CIBAR1: variants seen among roughly 807,000 people sequenced by gnomAD.
The protein encoded by CIBAR1 is CBY1 interacting BAR domain containing 1.
In CIBAR1, 25 loss-of-function variants were observed where a neutral mutation model predicts 44.0. That is an observed-to-expected ratio of 0.57 (90% CI 0.41 to 0.79). The LOEUF (loss-of-function observed/expected upper bound fraction) is 0.79, where lower values mean the gene tolerates loss of function less well. Among genes scored for constraint, CIBAR1 ranks in the 30% least tolerant of loss-of-function variants. The probability of loss-of-function intolerance (pLI) is 0.00; values close to 1 mark genes in which losing one functional copy is unlikely to be tolerated. For missense variants in CIBAR1, 278 were observed against 344.8 expected, an observed-to-expected ratio of 0.81 and a Z score of 1.53; for synonymous variants, 115 against 119.0, an observed-to-expected ratio of 0.97 and a Z score of 0.22.
At position 93,709,890 on chromosome 8, in the gene CIBAR1, G is replaced by C; in HGVS notation, c.543+15G>C. 6.4e-7 allele frequency: 1 copy of C among 1,556,928 alleles called. No individual in the cohort carries two copies. Among genetic ancestry groups the C allele is most frequent in the Non-Finnish European group, 8.8e-7 (1 of 1,136,300 alleles). On this transcript the variant is annotated intron_variant, in intron 6 of 8. Transcript: ENST00000518322. ...AGGATATAAAGGTAATAAAGTAACT[G>C]TTAGGGTTCAAAACATGTTTTTAAC... is the stretch of plus-strand genomic sequence containing the variant.
At chr8:93,702,353 T>C in intron 2 of CIBAR1, 1 of 389,570 alleles carries the variant, frequency 2.6e-6, no homozygotes, top group Non-Finnish European at 5.1e-6. Flanking sequence ...AACTGGGGAC[T>C]TAATGTTTCA....
At chr8:93,728,009 C>CA (rs1220261231) in intron 8 of CIBAR1, among the ~76,000 whole-genome samples, 196 bp from the exon 9 acceptor site, 1 of 151,618 alleles carries the variant, frequency 6.6e-6, no homozygotes, top group Non-Finnish European at 1.5e-5. Flanking sequence ...CATTTTTATT[C>CA]AAAAAAATGT....
chr8:93,716,818 C>T (rs2976350), intron 6 of CIBAR1, among the ~76,000 whole-genome samples: 107,940 of 152,074 alleles, frequency 0.71, 38,673 homozygotes, highest in African/African-American at 0.78. Flanking sequence ...GCATGTGGTA[C>T]GACATGGATA....
intron 3 of CIBAR1, among the ~76,000 whole-genome samples, chr8:93,704,428 A>G (rs1810495480): frequency 6.6e-6 from 1 of 152,144 alleles, no homozygotes; most frequent in South Asian, 2.1e-4. Context: ...TAGGGTTTGC[A>G]CTCCTATGAG....
chr8:93,702,720 A>G (rs1810412844), intron 2 of CIBAR1, among the ~76,000 whole-genome samples: 1 of 152,170 alleles, frequency 6.6e-6, no homozygotes, highest in Admixed American at 6.5e-5. Context: ...ATGTTTTAAA[A>G]TGAAACATTC....
intron 6 of CIBAR1, among the ~76,000 whole-genome samples, chr8:93,711,856 A>C (rs1048201762): frequency 2.6e-5 from 4 of 152,184 alleles, no homozygotes; most frequent in Non-Finnish European, 4.4e-5. Context: ...TGAGCATTAC[A>C]CAGTACCAAA....
chr8:93,701,540 A>T (rs1810357469), intron 2 of CIBAR1, 82 bp downstream of exon 2: 1 of 1,186,768 alleles, frequency 8.4e-7, no homozygotes, highest in African/African-American at 1.5e-5. Context: ...TTTCACTTGT[A>T]ATCTACCTAA....
chr8:93,725,546 AG>A (rs1420273300), intron 7 of CIBAR1, among the ~76,000 whole-genome samples: 34 of 152,286 alleles, frequency 2.2e-4, no homozygotes, highest in Non-Finnish European at 1.8e-4. Flanking sequence ...TTGTTTAAAA[AG>A]AAAATGGAGA....
At chr8:93,702,103 G>C in intron 2 of CIBAR1, 1 of 265,624 alleles carries the variant, frequency 3.8e-6, no homozygotes, top group Non-Finnish European at 7.6e-6. Context: ...CAGTTTCACG[G>C]CATAGGTTAA....
At chr8:93,711,350 T>C (rs529570232) in intron 6 of CIBAR1, among the ~76,000 whole-genome samples, 6 of 152,358 alleles carry the variant, frequency 3.9e-5, no homozygotes, top group African/African-American at 1.4e-4. Context: ...TGCCACTTAA[T>C]TATATTATTT....
intron 4 of CIBAR1, among the ~76,000 whole-genome samples, 193 bp from the exon 5 acceptor site, chr8:93,707,818 A>T (rs1372119821): frequency 6.6e-6 from 1 of 152,168 alleles, no homozygotes; most frequent in Non-Finnish European, 1.5e-5. Context: ...AATGAATATA[A>T]TTTTAAGTAC....
At position 93,726,482 on chromosome 8, in the gene CIBAR1, T is replaced by C. The variant is rs1586297033; in HGVS notation, c.746T>C (p.Leu249Pro). Reference sequence around the variant, plus strand: ...TCAAAGTCACCTCTTCAGAGATCACTGTCAGCTAAGTGTGTATCTGGAACA... The same window carrying C: ...TCAAAGTCACCTCTTCAGAGATCACCGTCAGCTAAGTGTGTATCTGGAACA... ...ANSKSPLQRSLSAKCVSGTGQ... is the reference protein window; with the variant it reads ...ANSKSPLQRSPSAKCVSGTGQ... The change falls in exon 8 of 9, where the codon CTG (leucine) becomes CCG (proline). Residue 249 changes from leucine (L) to proline (P), a missense_variant. Coordinates refer to ENST00000518322, the MANE Select transcript of CIBAR1 (RefSeq NM_145269.5). 6.2e-7 allele frequency: 1 copy of C among 1,613,764 alleles called. No individual in the cohort carries two copies. Among genetic ancestry groups the C allele is most frequent in the Middle Eastern group, 1.7e-4 (1 of 6,058 alleles).
In CIBAR1 at chr8:93,708,243, T is replaced by C. The variant is rs182408703; in HGVS notation, c.438+227T>C. ...ATTAGCACAAGAAACAAAACTTTAT[T>C]AGGAAGAATTTAATCCGAAAACTGG... On this transcript the variant is annotated intron_variant, in intron 5 of 8. Transcript: ENST00000518322. Among the ~76,000 whole-genome samples, 10 of 152,288 alleles carry C rather than the reference T, an allele frequency of 6.6e-5. No individual in the cohort carries two copies. In the East Asian group the frequency reaches 1.7e-3, roughly 26 times the overall value.
At chr8:93,700,917 C>T (rs1266484083) in intron 1 of CIBAR1, 4 of 1,346,342 alleles carry the variant, frequency 3.0e-6, no homozygotes, top group South Asian at 2.1e-5. Context: ...CCCACACTGC[C>T]GCGGGCAGTG....
chr8:93,700,738 A>C, intron 1 of CIBAR1, 65 bp downstream of exon 1: 1 of 1,455,976 alleles, frequency 6.9e-7, no homozygotes, highest in Non-Finnish European at 9.1e-7. Context: ...GGGAAGTGGA[A>C]GCCTCTGTCC....
At chr8:93,726,087 A>G in intron 7 of CIBAR1, 2 of 252,218 alleles carry the variant, frequency 7.9e-6, no homozygotes, top group Non-Finnish European at 1.5e-5. Context: ...CAGCCTCCCT[A>G]CTAGCTTGCA....
At position 93,700,625 on chromosome 8, in the gene CIBAR1, T is replaced by A. The variant is rs878906720; in HGVS notation, c.-23T>A. The A allele has an allele frequency of 6.0e-6, 9 of 1,497,022 alleles. No homozygotes were observed. The South Asian group carries it at 1.1e-4, about 19-fold the overall frequency. The allele number at this position is 1,497,022 out of a possible 1,614,324, so 92.7% of individuals were successfully genotyped here. ...TCCCCGTCCTTGGGCCCCCGCAAGG[T>A]CCCCGGCCGTGCGCGAGGCAGCATG... On this transcript the variant is annotated 5_prime_UTR_variant, in exon 1 of 9. Coordinates refer to ENST00000518322, the MANE Select transcript of CIBAR1 (RefSeq NM_145269.5).
chr8:93,700,698 A>C, intron 1 of CIBAR1, 25 bp downstream of exon 1: 1 of 1,495,560 alleles, frequency 6.7e-7, no homozygotes, highest in Non-Finnish European at 8.9e-7. Flanking sequence ...CCAGCTGCCC[A>C]GGGCCGCCCA....
intron 4 of CIBAR1, among the ~76,000 whole-genome samples, chr8:93,707,591 A>G (rs1810649010): frequency 1.4e-5 from 2 of 145,432 alleles, no homozygotes; most frequent in South Asian, 4.6e-4. Context: ...CATGTATCAA[A>G]TAACTGTTAG....
Sources: gnomAD v4.1 joint callset for allele counts (sites outside exome capture counted in the v4.1 genomes callset) on GRCh38, gnomAD v4.1.1 for gene constraint, MANE v1.5 for transcripts, NCBI Gene and HGNC (gene_info 2026-07-23, HGNC 2026-07-21) for gene names.